KCNK9: variants seen among roughly 807,000 people sequenced by gnomAD.
KCNK9 encodes potassium two pore domain channel subfamily K member 9, also known as potassium channel subfamily K member 9.
Under a neutral mutation model 10.8 loss-of-function variants are expected in KCNK9, and 1 was observed. The ratio of observed to expected loss-of-function variants is 0.09; its 90% CI spans 0.03 to 0.44. KCNK9 has a LOEUF of 0.44. Among genes scored for constraint, KCNK9 ranks in the 20% least tolerant of loss-of-function variants. The pLI is 0.97. For synonymous variants in KCNK9, 231 were observed against 222.7 expected, an observed-to-expected ratio of 1.04 and a Z score of -0.33; for missense variants, 303 against 515.0, an observed-to-expected ratio of 0.59 and a Z score of 3.98.
downstream of KCNK9, among the ~76,000 whole-genome samples, chr8:139,614,709 G>T (rs1422643429): frequency 2.0e-5 from 3 of 152,204 alleles, no homozygotes; most frequent in African/African-American, 7.2e-5. Context: ...TTCCACCCAG[G>T]ATGGGTGCAA....
chr8:139,671,040 A>G (rs954354013), intron 1 of KCNK9, among the ~76,000 whole-genome samples: 2 of 152,112 alleles, frequency 1.3e-5, no homozygotes, highest in Non-Finnish European at 2.9e-5. Context: ...TACTCCTCCT[A>G]TGGGCTTCCT....
At chr8:139,625,043 C>T (rs1338609732) in intron 1 of KCNK9, among the ~76,000 whole-genome samples, 1 of 152,162 alleles carries the variant, frequency 6.6e-6, no homozygotes, top group Non-Finnish European at 1.5e-5. Context: ...GAGAATCAGC[C>T]CCCTCACCTG....
intron 1 of KCNK9, among the ~76,000 whole-genome samples, chr8:139,631,092 C>T (rs554556087): frequency 1.5e-3 from 231 of 152,316 alleles, no homozygotes; most frequent in African/African-American, 5.2e-3. Flanking sequence ...GCCCCGGGTG[C>T]GGGGTCGGCC....
At chr8:139,675,610 C>G (rs1053744899) in intron 1 of KCNK9, among the ~76,000 whole-genome samples, 2 of 152,172 alleles carry the variant, frequency 1.3e-5, no homozygotes, top group African/African-American at 2.4e-5. Flanking sequence ...CCTCCAGAAC[C>G]ATGAGAAATC....
intron 1 of KCNK9, among the ~76,000 whole-genome samples, chr8:139,696,072 A>G (rs1251682067): frequency 1.2e-4 from 18 of 152,188 alleles, no homozygotes. Context: ...TATAGAGACA[A>G]GCAGCCCCTT....
chr8:139,631,021 G>C (rs567100385), intron 1 of KCNK9, among the ~76,000 whole-genome samples: 77 of 152,360 alleles, frequency 5.1e-4, no homozygotes, highest in Admixed American at 9.1e-4. Flanking sequence ...TCTGCGCAGC[G>C]CCGGCCACCG....
chr8:139,653,519 C>T (rs1159100399), intron 1 of KCNK9, among the ~76,000 whole-genome samples: 1 of 151,828 alleles, frequency 6.6e-6, no homozygotes. Context: ...CCACCCCCGC[C>T]GCCTTTCCTC....
chr8:139,623,761 C>T (rs1814869922), intron 1 of KCNK9, among the ~76,000 whole-genome samples: 1 of 152,140 alleles, frequency 6.6e-6, no homozygotes, highest in South Asian at 2.1e-4. Context: ...CCACGCTTCC[C>T]TCATCATAAA....
chr8:139,665,331 C>T (rs1816271776), intron 1 of KCNK9, among the ~76,000 whole-genome samples: 1 of 152,162 alleles, frequency 6.6e-6, no homozygotes, highest in Admixed American at 6.5e-5. Flanking sequence ...CATCACACCC[C>T]TCCGACCTCT....
chr8:139,653,737 G>A (rs901304267), intron 1 of KCNK9, among the ~76,000 whole-genome samples: 9 of 152,076 alleles, frequency 5.9e-5, no homozygotes, highest in African/African-American at 1.9e-4. Context: ...CCCATAAATC[G>A]CTCTACAAAC....
intron 1 of KCNK9, among the ~76,000 whole-genome samples, chr8:139,663,126 G>A (rs546907027): frequency 2.0e-5 from 3 of 152,194 alleles, no homozygotes; most frequent in African/African-American, 7.2e-5. Context: ...GTCTGAAGAG[G>A]AAGAGACCCA....
intron 1 of KCNK9, among the ~76,000 whole-genome samples, chr8:139,677,878 A>C (rs1168832477): frequency 7.0e-6 from 1 of 142,726 alleles, no homozygotes; most frequent in African/African-American, 3.0e-5. Context: ...CCATGGCTGC[A>C]GAGGAATGCC....
At chr8:139,699,538 C>T (rs978430977) in intron 1 of KCNK9, among the ~76,000 whole-genome samples, 6 of 152,156 alleles carry the variant, frequency 3.9e-5, no homozygotes, top group South Asian at 2.1e-4. Flanking sequence ...ACATAATCTC[C>T]GCAGAAATAG....
At chr8:139,624,316 A>C (rs1814895465) in intron 1 of KCNK9, among the ~76,000 whole-genome samples, 1 of 152,200 alleles carries the variant, frequency 6.6e-6, no homozygotes, top group Non-Finnish European at 1.5e-5. Context: ...CAGCACTGAC[A>C]GCCTGAAATT....
intron 1 of KCNK9, among the ~76,000 whole-genome samples, chr8:139,680,283 C>T (rs1816660734): frequency 6.6e-6 from 1 of 152,166 alleles, no homozygotes; most frequent in Non-Finnish European, 1.5e-5. Context: ...CGGGGCCCAG[C>T]TTCAGGAAGG....
intron 1 of KCNK9, among the ~76,000 whole-genome samples, chr8:139,648,489 C>T (rs762622693): frequency 5.3e-5 from 8 of 152,212 alleles, no homozygotes; most frequent in East Asian, 1.9e-4. Flanking sequence ...ATGGCTGCCG[C>T]GTCACCCTGA....
intron 1 of KCNK9, among the ~76,000 whole-genome samples, chr8:139,635,276 T>C (rs1815304450): frequency 6.6e-6 from 1 of 152,182 alleles, no homozygotes; most frequent in Non-Finnish European, 1.5e-5. Context: ...TCCCGTATCA[T>C]CAACAAGAAA....
intron 2 of KCNK9, among the ~76,000 whole-genome samples, chr8:139,607,152 A>G (rs1331028845): frequency 6.6e-6 from 1 of 152,062 alleles, no homozygotes; most frequent in Non-Finnish European, 1.5e-5. Context: ...TTTTCCTTTC[A>G]TATTATTTTT....
chr8:139,626,182 G>A (rs770601483), intron 1 of KCNK9, among the ~76,000 whole-genome samples: 11 of 152,166 alleles, frequency 7.2e-5, no homozygotes, highest in Non-Finnish European at 1.3e-4. Flanking sequence ...GCACTCCAGC[G>A]CTCAAGAGCT....
Sources: gnomAD v4.1 joint callset for allele counts (sites outside exome capture counted in the v4.1 genomes callset) on GRCh38, gnomAD v4.1.1 for gene constraint, MANE v1.5 for transcripts, NCBI Gene and HGNC (gene_info 2026-07-23, HGNC 2026-07-21) for gene names.